The following ARHGAP15 variants were observed in gnomAD, a reference collection of about 807,000 sequenced individuals.
ARHGAP15 encodes the protein rho GTPase-activating protein 15.
Under a neutral mutation model 63.7 loss-of-function variants are expected in ARHGAP15, and 51 were observed. The ratio of observed to expected loss-of-function variants is 0.80; its 90% confidence interval spans 0.64 to 1.01. The LOEUF is 1.01. Ranked by LOEUF, ARHGAP15 falls within the 50% of genes least tolerant of loss-of-function variation. The pLI is 0.00. For synonymous variants in ARHGAP15, 191 were observed against 193.8 expected, an observed-to-expected ratio of 0.99 and a Z score of 0.12; for missense variants, 560 against 564.6, an observed-to-expected ratio of 0.99 and a Z score of 0.08.
intron 11 of ARHGAP15, among the ~76,000 whole-genome samples, chr2:143,612,756 A>T (rs1049349691): frequency 2.6e-5 from 4 of 152,220 alleles, no homozygotes. Context: ...AGGTGGAGCC[A>T]GATTGCCTGG....
At chr2:143,604,603 T>C (rs1435779025) in intron 11 of ARHGAP15, among the ~76,000 whole-genome samples, 2 of 152,188 alleles carry the variant, frequency 1.3e-5, no homozygotes, top group Non-Finnish European at 2.9e-5. Flanking sequence ...GGTTCCCTAA[T>C]CAATTCTTCA....
At chr2:143,684,268 G>C (rs1365234834) in intron 12 of ARHGAP15, among the ~76,000 whole-genome samples, 1 of 152,160 alleles carries the variant, frequency 6.6e-6, no homozygotes, top group East Asian at 1.9e-4. Context: ...TAACCACCTT[G>C]TGCCACTGAA....
At chr2:143,352,909 A>G (rs941404583) in intron 6 of ARHGAP15, among the ~76,000 whole-genome samples, 6 of 152,192 alleles carry the variant, frequency 3.9e-5, no homozygotes, top group African/African-American at 9.6e-5. Flanking sequence ...AAAGTGTACA[A>G]TCTTTGAAAG....
chr2:143,429,737 C>A (rs148523698), intron 6 of ARHGAP15, among the ~76,000 whole-genome samples: 2 of 152,112 alleles, frequency 1.3e-5, no homozygotes, highest in African/African-American at 4.8e-5. Context: ...GATTTAGGAA[C>A]ATTTCACGGA....
intron 2 of ARHGAP15, among the ~76,000 whole-genome samples, chr2:143,190,347 A>T (rs981984922): frequency 6.6e-6 from 1 of 152,198 alleles, no homozygotes; most frequent in Non-Finnish European, 1.5e-5. Context: ...CATTGCGGAT[A>T]TCCAAATTTT....
intron 6 of ARHGAP15, 36 bp downstream of exon 6, chr2:143,250,636 C>A: frequency 6.5e-7 from 1 of 1,537,966 alleles, no homozygotes; most frequent in Non-Finnish European, 9.0e-7. Flanking sequence ...TATTCCTATT[C>A]TCTCTAAATC....
At chr2:143,356,102 A>G (rs1685798822) in intron 6 of ARHGAP15, among the ~76,000 whole-genome samples, 1 of 152,110 alleles carries the variant, frequency 6.6e-6, no homozygotes, top group Non-Finnish European at 1.5e-5. Context: ...TGATGCCTCT[A>G]AAAGCCTGTA....
chr2:143,185,044 C>T (rs1691387250), intron 2 of ARHGAP15, among the ~76,000 whole-genome samples: 1 of 152,130 alleles, frequency 6.6e-6, no homozygotes, highest in South Asian at 2.1e-4. Flanking sequence ...GCTCAATTTC[C>T]TCATTTTCCA....
At chr2:143,562,590 G>C (rs1696078433) in intron 11 of ARHGAP15, among the ~76,000 whole-genome samples, 1 of 152,114 alleles carries the variant, frequency 6.6e-6, no homozygotes. Context: ...TGGCTTTCAT[G>C]TGACAAGATT....
intron 6 of ARHGAP15, among the ~76,000 whole-genome samples, chr2:143,302,687 C>T (rs1682960663): frequency 1.3e-5 from 2 of 151,914 alleles, no homozygotes; most frequent in South Asian, 4.1e-4. Context: ...CATTAGAAAG[C>T]TAAACTAATA....
intron 1 of ARHGAP15, among the ~76,000 whole-genome samples, chr2:143,153,837 T>TCCTCCTCCTCCTCC (rs1558779549): frequency 2.8e-5 from 2 of 72,200 alleles, no homozygotes; most frequent in Non-Finnish European, 5.3e-5. Context: ...CTTCTTCTTC[T>TCCTCCTCCTCCTCC]TCTTCTTCCT....
At chr2:143,178,278 C>G (rs752378733) in intron 2 of ARHGAP15, among the ~76,000 whole-genome samples, 1 of 152,046 alleles carries the variant, frequency 6.6e-6, no homozygotes, top group Admixed American at 6.6e-5. Context: ...GAAAAAACTT[C>G]AAAAATTATA....
chr2:143,279,462 C>T (rs770402556), intron 6 of ARHGAP15, among the ~76,000 whole-genome samples: 1 of 152,034 alleles, frequency 6.6e-6, no homozygotes, highest in Admixed American at 6.6e-5. Flanking sequence ...GAATGTGACC[C>T]GGGCCTATTT....
At chr2:143,136,270 A>G (rs1332293114) in intron 1 of ARHGAP15, among the ~76,000 whole-genome samples, 1 of 152,040 alleles carries the variant, frequency 6.6e-6, no homozygotes, top group African/African-American at 2.4e-5. Context: ...ACTTTTCTCA[A>G]TAATGGCCCT....
intron 6 of ARHGAP15, among the ~76,000 whole-genome samples, chr2:143,419,642 CTATATA>C (rs896157128): frequency 7.0e-6 from 1 of 142,606 alleles, no homozygotes; most frequent in Admixed American, 7.3e-5. Flanking sequence ...TATGTATGAC[CTATATA>C]TATATATACA....
At chr2:143,650,875 T>A (rs745792365) in intron 12 of ARHGAP15, among the ~76,000 whole-genome samples, 12 of 151,960 alleles carry the variant, frequency 7.9e-5, no homozygotes, top group Non-Finnish European at 1.2e-4. Flanking sequence ...TGTGATTACA[T>A]AGCACTCGTC....
intron 6 of ARHGAP15, among the ~76,000 whole-genome samples, chr2:143,353,373 C>T (rs1357029293): frequency 1.3e-5 from 2 of 152,138 alleles, no homozygotes; most frequent in Non-Finnish European, 2.9e-5. Flanking sequence ...ACTTCTTGTG[C>T]TATAAAGGGT....
chr2:143,153,614 C>A (rs1433609698), intron 1 of ARHGAP15, among the ~76,000 whole-genome samples: 2 of 151,912 alleles, frequency 1.3e-5, no homozygotes, highest in Non-Finnish European at 2.9e-5. Flanking sequence ...ATGAAACCAA[C>A]ACCACAATCA....
At chr2:143,468,663 A>AGAGAGT (rs764115175) in intron 8 of ARHGAP15, among the ~76,000 whole-genome samples, 1 of 136,238 alleles carries the variant, frequency 7.3e-6, no homozygotes, top group African/African-American at 2.7e-5. Context: ...AGAGAGAGAG[A>AGAGAGT]GTGTGTGTGT....
Sources: allele counts gnomAD v4.1 joint callset (sites outside exome capture counted in the v4.1 genomes callset), GRCh38; gene constraint gnomAD v4.1.1; transcripts MANE v1.5; gene names NCBI Gene and HGNC (gene_info 2026-07-23, HGNC 2026-07-21).